The following PSPC1 variants were observed in gnomAD, a reference collection of about 807,000 sequenced individuals.
PSPC1 encodes paraspeckle component 1, also known as paraspeckle protein 1.
PSPC1 carries 14 observed loss-of-function variants against 51.6 expected under a neutral mutation model. The observed-to-expected ratio is 0.27, with a 90% CI of 0.18 to 0.42. The LOEUF (loss-of-function observed/expected upper bound fraction) is 0.42. Among genes scored for constraint, PSPC1 ranks in the 10% least tolerant of loss-of-function variants. PSPC1 has a pLI of 1.00. For synonymous variants in PSPC1, 193 were observed against 231.9 expected, an observed-to-expected ratio of 0.83 and a Z score of 1.53; for missense variants, 406 against 701.1, an observed-to-expected ratio of 0.58 and a Z score of 4.75.
intron 3 of PSPC1, among the ~76,000 whole-genome samples, chr13:19,752,487 C>G (rs1370797364): frequency 6.6e-6 from 1 of 151,934 alleles, no homozygotes; most frequent in Non-Finnish European, 1.5e-5. Context: ...AACTCCTGGC[C>G]TCAAGTAATA....
At chr13:19,765,141 T>C (rs1296128109) in intron 2 of PSPC1, among the ~76,000 whole-genome samples, 1 of 151,660 alleles carries the variant, frequency 6.6e-6, no homozygotes, top group African/African-American at 2.4e-5. Context: ...ACGACAAACA[T>C]GGTGAAACCC....
At chr13:19,710,721 C>G (rs1255448419) in intron 6 of PSPC1, among the ~76,000 whole-genome samples, 1 of 152,130 alleles carries the variant, frequency 6.6e-6, no homozygotes, top group Non-Finnish European at 1.5e-5. Context: ...CAAAGGTAAT[C>G]CTAATGAAGC....
intron 6 of PSPC1, among the ~76,000 whole-genome samples, chr13:19,694,121 T>C (rs1328238073): frequency 2.4e-5 from 1 of 42,228 alleles, no homozygotes; most frequent in East Asian, 6.0e-4. Flanking sequence ...AGACTCCATC[T>C]CAAAAAAAAA....
intron 2 of PSPC1, among the ~76,000 whole-genome samples, chr13:19,766,798 C>A (rs1367185663): frequency 6.7e-6 from 1 of 149,384 alleles, no homozygotes; most frequent in Non-Finnish European, 1.5e-5. Context: ...GAGGCTGCAA[C>A]GAGCTGTGAT....
downstream of PSPC1, chr13:19,671,756 G>T: frequency 7.6e-7 from 1 of 1,308,246 alleles, no homozygotes; most frequent in Non-Finnish European, 1.1e-6. Context: ...AGCAAATCTT[G>T]GCCATTTGTG....
chr13:19,705,965 G>A lies in PSPC1; in HGVS notation c.1217-134C>T, dbSNP rs950950445. On this transcript the variant is annotated intron_variant, in intron 7 of 8. Transcript: ENST00000338910. ...TTCGCTCCTTAAGAATGCGATATGC[G>A]TTATCTACTCTGTAATAGGGTATTA... 21 of 643,762 alleles carry A rather than the reference G, an allele frequency of 3.3e-5. No homozygotes were observed. In the South Asian group the frequency reaches 4.2e-4, roughly 13 times the overall value. 39.9% of individuals were successfully genotyped at this position (643,762 alleles called of 1,614,324 possible).
chr13:19,762,380 A>G (rs2138221300), intron 2 of PSPC1, among the ~76,000 whole-genome samples: 1 of 152,158 alleles, frequency 6.6e-6, no homozygotes, highest in African/African-American at 2.4e-5. Context: ...ATATAGTGAA[A>G]TGCCATCTCT....
intron 6 of PSPC1, among the ~76,000 whole-genome samples, chr13:19,715,840 C>A (rs1882025408): frequency 6.6e-6 from 1 of 151,922 alleles, no homozygotes; most frequent in African/African-American, 2.4e-5. Context: ...GGTGAAACCC[C>A]GTCTCTACTA....
At chr13:19,690,983 C>CA (rs1878472360) in intron 6 of PSPC1, among the ~76,000 whole-genome samples, 1 of 152,152 alleles carries the variant, frequency 6.6e-6, no homozygotes, top group Admixed American at 6.5e-5. Flanking sequence ...ACTTCAAACT[C>CA]AAAGAAGGTA....
intron 2 of PSPC1, among the ~76,000 whole-genome samples, chr13:19,763,257 G>C (rs1287386401): frequency 6.6e-6 from 1 of 152,170 alleles, no homozygotes; most frequent in Non-Finnish European, 1.5e-5. Context: ...CTGGGCTCAA[G>C]ATATCCTCTC....
chr13:19,755,857 A>G (rs1887015457), intron 3 of PSPC1, among the ~76,000 whole-genome samples: 1 of 152,182 alleles, frequency 6.6e-6, no homozygotes, highest in Non-Finnish European at 1.5e-5. Flanking sequence ...TCTAAATCCT[A>G]GTTATAAATC....
At chr13:19,694,967 G>A (rs984976196) in intron 6 of PSPC1, among the ~76,000 whole-genome samples, 3 of 152,188 alleles carry the variant, frequency 2.0e-5, no homozygotes, top group Non-Finnish European at 4.4e-5. Flanking sequence ...AATGCTATCA[G>A]GGCAAAGGAT....
At chr13:19,681,669 G>A (rs188182578) in intron 6 of PSPC1, among the ~76,000 whole-genome samples, 53 of 152,260 alleles carry the variant, frequency 3.5e-4, no homozygotes, top group African/African-American at 1.2e-3. Context: ...GTTTCCTTTC[G>A]GAGAAAGGTA....
Position 19,730,968 on chromosome 13 carries a change from A to AAAC in PSPC1, c.1053-625_1053-624insGTT, listed in dbSNP as rs1555236506. ...TCAGAAAAAAAAAACAAAAAAACAA[A>AAAC]AAAAAAAAAAACAGAAAAAGTCTGA... On this transcript the variant is annotated intron_variant, in intron 5 of 8. Transcript: ENST00000338910. 9.8e-4 allele frequency among the ~76,000 whole-genome samples: 139 copies of AAAC among 142,000 alleles called. 5 individuals are homozygous for AAAC. The highest frequency in any genetic ancestry group is 3.7e-3 in the Middle Eastern group (1 of 272). 93.2% of individuals were successfully genotyped at this position (142,000 alleles called of 152,430 possible). A position where few individuals can be genotyped will look rare whatever the true frequency, so the allele number is the denominator to read the frequency against.
chr13:19,730,951 AAAAAACAAAAAAAC>A (rs1449306662), intron 5 of PSPC1, among the ~76,000 whole-genome samples: 33 of 29,380 alleles, frequency 1.1e-3, no homozygotes, highest in Non-Finnish European at 3.2e-3. Flanking sequence ...TCTCAGAAAA[AAAAAACAAAAAAAC>A]AAAAAAAAAA....
chr13:19,755,030 C>G (rs896311015), intron 3 of PSPC1, among the ~76,000 whole-genome samples: 1 of 151,828 alleles, frequency 6.6e-6, no homozygotes, highest in Non-Finnish European at 1.5e-5. Flanking sequence ...CCCAGGAGTT[C>G]GAGACCACGC....
chr13:19,779,555 T>TGG (rs1339259080), intron 1 of PSPC1, among the ~76,000 whole-genome samples: 1 of 12,148 alleles, frequency 8.2e-5, no homozygotes, highest in African/African-American at 2.2e-4. Flanking sequence ...CGGAGGGAGG[T>TGG]GGGGGGGTCA....
chr13:19,724,319 AT>A (rs528591448), intron 6 of PSPC1, among the ~76,000 whole-genome samples: 23 of 149,086 alleles, frequency 1.5e-4, no homozygotes, highest in African/African-American at 4.4e-4. Context: ...AATTAATGGA[AT>A]TTTTTTTTTT....
intron 1 of PSPC1, among the ~76,000 whole-genome samples, chr13:19,774,019 A>G (rs1028903914): frequency 1.3e-5 from 2 of 152,152 alleles, no homozygotes; most frequent in Non-Finnish European, 2.9e-5. Context: ...TCACTATTAC[A>G]TGAAGAGAAA....
Sources: gnomAD v4.1 joint callset for allele counts (sites outside exome capture counted in the v4.1 genomes callset) on GRCh38, gnomAD v4.1.1 for gene constraint, MANE v1.5 for transcripts, NCBI Gene and HGNC (gene_info 2026-07-23, HGNC 2026-07-21) for gene names.